The following DYNC2H1 variants were observed in gnomAD, a reference collection of about 807,000 sequenced individuals.
DYNC2H1 encodes the protein cytoplasmic dynein 2 heavy chain 1.
In DYNC2H1, 410 loss-of-function variants were observed where a neutral mutation model predicts 570.0. That is an observed-to-expected ratio of 0.72 (90% CI 0.66 to 0.78). DYNC2H1 has a LOEUF of 0.78. DYNC2H1 is among the 30% of genes least tolerant of loss of function. The pLI, the probability that DYNC2H1 is intolerant of heterozygous loss-of-function variation, is 0.00. For missense variants in DYNC2H1, 4,865 were observed against 5,046.4 expected (o/e 0.96, Z 1.09); for synonymous variants, 1,688 against 1,677.6 (o/e 1.01, Z -0.15).
At chr11:103,217,514 A>T (rs972672369) in intron 55 of DYNC2H1, among the ~76,000 whole-genome samples, 1 of 152,168 alleles carries the variant, frequency 6.6e-6, no homozygotes, top group African/African-American at 2.4e-5. Flanking sequence ...ATGGTGCTGG[A>T]TATTTAGATA....
intron 88 of DYNC2H1, among the ~76,000 whole-genome samples, chr11:103,478,280 G>C (rs1292147053): frequency 6.6e-6 from 1 of 152,094 alleles, no homozygotes; most frequent in Non-Finnish European, 1.5e-5. Flanking sequence ...TATATGAACT[G>C]CACCTCATGG....
At chr11:103,471,304 C>A (rs1945378232) in intron 88 of DYNC2H1, among the ~76,000 whole-genome samples, 1 of 152,194 alleles carries the variant, frequency 6.6e-6, no homozygotes, top group South Asian at 2.1e-4. Flanking sequence ...GTCCTGTAAT[C>A]ATACTACTTT....
At chr11:103,136,843 C>T (rs1020321414) in intron 17 of DYNC2H1, among the ~76,000 whole-genome samples, 69 of 152,190 alleles carry the variant, frequency 4.5e-4, no homozygotes, top group Admixed American at 1.6e-3. Flanking sequence ...GTCCCACCAA[C>T]AGTGTGAAAG....
intron 25 of DYNC2H1, among the ~76,000 whole-genome samples, chr11:103,156,134 A>G (rs1184724316): frequency 1.3e-5 from 2 of 152,068 alleles, no homozygotes; most frequent in African/African-American, 2.4e-5. Flanking sequence ...TCTTTTAGAG[A>G]GGTAAAAAGC....
At position 103,151,718 on chromosome 11, in the gene DYNC2H1, G is replaced by C. The variant is rs1182599326; in HGVS notation, c.2947-418G>C. On this transcript the variant is annotated intron_variant, in intron 20 of 88. Transcript: ENST00000375735. The surrounding 1 kb of genome is among the most constrained non-coding windows in gnomAD (Gnocchi z 4.6). ...TTTCATGACTTTCCTTCTCTATTAA[G>C]TCGGATAATTTAGTTAACTTATGCT... Among the ~76,000 whole-genome samples the C allele has an allele frequency of 5.3e-5, 8 of 152,066 alleles. No homozygotes were observed. Among genetic ancestry groups the C allele is most frequent in the Non-Finnish European group, 1.5e-5 (1 of 68,008 alleles).
In DYNC2H1 at chr11:103,177,521, A is replaced by G; in HGVS notation, c.5875-35A>G. 2 of 1,564,756 alleles carry G rather than the reference A, an allele frequency of 1.3e-6. No homozygotes were observed. The highest frequency in any genetic ancestry group is 8.6e-7 in the Non-Finnish European group (1 of 1,157,246). ...GCAGAACTAAGTATGATTGAATATT[A>G]TAAATCATATATGAACATATTTCTT... On this transcript the variant is annotated intron_variant, in intron 37 of 88. Transcript: ENST00000375735. This position sits in a 1 kb window ranked among gnomAD's most constrained non-coding sequence, Gnocchi z 4.4.
In DYNC2H1 at chr11:103,396,073, A is replaced by G. The variant is rs554364236; in HGVS notation, c.12157-3590A>G. 2.0e-4 allele frequency among the ~76,000 whole-genome samples: 31 copies of G among 152,324 alleles called. No individual in the cohort carries two copies. In the South Asian group the frequency reaches 6.2e-3, roughly 31 times the overall value. The stretch of plus-strand genomic sequence containing the variant: ...TAGAAAACATACATTGAACCAAGAC[A>G]TGATCATATAATCTGGAAAAAATAC... On this transcript the variant is annotated intron_variant, in intron 83 of 88. Coordinates refer to ENST00000375735, the MANE Select transcript of DYNC2H1 (RefSeq NM_001377.3).
chr11:103,298,428 C>G (rs1469568793), intron 75 of DYNC2H1, among the ~76,000 whole-genome samples: 1 of 152,050 alleles, frequency 6.6e-6, no homozygotes, highest in African/African-American at 2.4e-5. Flanking sequence ...AACTCCCCAT[C>G]AACTCTTTGA....
intron 85 of DYNC2H1, among the ~76,000 whole-genome samples, chr11:103,438,258 C>G (rs11225797): frequency 6.6e-6 from 1 of 151,926 alleles, no homozygotes; most frequent in African/African-American, 2.4e-5. Flanking sequence ...CCTGAGGTAA[C>G]CTTTAATATT....
chr11:103,368,778 T>C (rs1941021984), intron 83 of DYNC2H1, among the ~76,000 whole-genome samples: 1 of 152,170 alleles, frequency 6.6e-6, no homozygotes, highest in South Asian at 2.1e-4. Flanking sequence ...AGGGGTCTAG[T>C]CTCATTCTTC....
In DYNC2H1 at chr11:103,109,627, A is replaced by G. The variant is rs1858012384; in HGVS notation, c.53A>G (p.Gln18Arg). The change falls in exon 1 of 89, where the codon CAG becomes CGG. Residue 18 changes from glutamine to arginine, a missense_variant. Gln to Arg is a conservative substitution (Grantham distance 43). This residue lies in a region of DYNC2H1 where 1,936 missense variants were observed against 1,962.1 expected (regional missense o/e 0.99). Transcript: ENST00000375735. ...VRKLFIFTTT[Q>R]NYFGLMSELW... The stretch of plus-strand genomic sequence containing the variant: ...AAGCTCTTCATCTTCACTACTACCC[A>G]GAATTACTTCGGGTTGATGTCTGAA... The G allele has an allele frequency of 6.2e-7, 1 of 1,613,770 alleles. No homozygotes were observed. Among genetic ancestry groups the G allele is most frequent in the Non-Finnish European group, 8.5e-7 (1 of 1,179,864 alleles).
intron 65 of DYNC2H1, among the ~76,000 whole-genome samples, chr11:103,248,111 G>T (rs767974513): frequency 1.3e-5 from 2 of 151,980 alleles, no homozygotes; most frequent in African/African-American, 4.8e-5. Flanking sequence ...TTTGTATTTA[G>T]TGGCTGTAAC....
rs658804 is a variant in DYNC2H1, at chr11:103,186,319, A to C, written c.6711A>C (p.Arg2237=). The part of the protein sequence containing the change: ...MDTYYDSTRG[R]LATYVLKKPE... Reference sequence around the variant, plus strand: ...CCTACTATGACTCTACTAGGGGTCGATTAGCAACATATGTGCTTAAGAAGC... The same window carrying C: ...CCTACTATGACTCTACTAGGGGTCGCTTAGCAACATATGTGCTTAAGAAGC... Residue 2237 remains arginine (R), a synonymous_variant, in exon 42 of 89, where the codon CGA becomes CGC. Coordinates refer to ENST00000375735, the MANE Select transcript of DYNC2H1 (RefSeq NM_001377.3). The surrounding 1 kb of genome is among the most constrained non-coding windows in gnomAD (Gnocchi z 4.5). 136 of 1,612,234 alleles carry C rather than the reference A, an allele frequency of 8.4e-5. 1 individual carries two copies. The South Asian group carries it at 1.4e-3, about 17-fold the overall frequency.
intron 85 of DYNC2H1, among the ~76,000 whole-genome samples, chr11:103,454,522 G>C (rs1409774716): frequency 2.0e-5 from 3 of 152,106 alleles, no homozygotes; most frequent in African/African-American, 4.8e-5. Flanking sequence ...CATTTGTAAA[G>C]TGGGGATACT....
At chr11:103,356,111 T>A (rs1398546276) in intron 82 of DYNC2H1, among the ~76,000 whole-genome samples, 1 of 152,182 alleles carries the variant, frequency 6.6e-6, no homozygotes, top group African/African-American at 2.4e-5. Flanking sequence ...ATGTTGTTAA[T>A]GAATTAAATT....
Position 103,135,642 on chromosome 11 carries a change from G to A in DYNC2H1, c.2345+8G>A, listed in dbSNP as rs745945526. On this transcript the variant is annotated splice_region_variant and intron_variant, in intron 16 of 88. Coordinates refer to ENST00000375735, the MANE Select transcript of DYNC2H1 (RefSeq NM_001377.3). Reference sequence around the variant, plus strand: ...TATAGACTTAACTTACAAGTAAGATGTTTTTTCAACCCCAATTTAATGTTC... The same window carrying A: ...TATAGACTTAACTTACAAGTAAGATATTTTTTCAACCCCAATTTAATGTTC... 5 of 1,609,720 alleles carry A rather than the reference G, an allele frequency of 3.1e-6. No homozygotes were observed. Among genetic ancestry groups the A allele is most frequent in the Non-Finnish European group, 4.2e-6 (5 of 1,178,792 alleles).
Position 103,133,505 on chromosome 11 carries a change from T to C in DYNC2H1, c.1954-50T>C. The C allele has an allele frequency of 6.6e-7, 1 of 1,523,956 alleles. No homozygotes were observed. Among genetic ancestry groups the C allele is most frequent in the Non-Finnish European group, 8.8e-7 (1 of 1,139,610 alleles). 94.4% of individuals were successfully genotyped at this position (1,523,956 alleles called of 1,614,324 possible). A position where few individuals can be genotyped will look rare whatever the true frequency, so the allele number is the denominator to read the frequency against. ...TTTTGATATAGAATATTGAAACTTT[T>C]GGAAAAAAGAAATACTTATACATAC... On this transcript the variant is annotated intron_variant, in intron 13 of 88. Transcript: ENST00000375735. This position sits in a 1 kb window ranked among gnomAD's most constrained non-coding sequence, Gnocchi z 4.8.
intron 87 of DYNC2H1, among the ~76,000 whole-genome samples, chr11:103,460,674 G>A (rs936831613): frequency 6.6e-6 from 1 of 150,854 alleles, no homozygotes; most frequent in South Asian, 2.1e-4. Flanking sequence ...TGTATAATCT[G>A]TATATATATA....
chr11:103,467,687 G>A (rs188747607), intron 87 of DYNC2H1, among the ~76,000 whole-genome samples: 2 of 152,014 alleles, frequency 1.3e-5, no homozygotes, highest in African/African-American at 2.4e-5. Flanking sequence ...ACAGGTGCCC[G>A]CCACCACGCC....
Sources: gnomAD v4.1 joint callset for allele counts (sites outside exome capture counted in the v4.1 genomes callset) on GRCh38, gnomAD v4.1.1 for gene constraint, gnomAD v4.1.1 regional missense constraint, Gnocchi (gnomAD v3.1) non-coding constraint, MANE v1.5 for transcripts, NCBI Gene and HGNC (gene_info 2026-07-23, HGNC 2026-07-21) for gene names.